Variants in UGT1A3 observed in about 807,000 individuals in gnomAD.
The protein encoded by UGT1A3 is UDP glucuronosyltransferase family 1 member A3.
UGT1A3 carries 31 observed loss-of-function variants against 41.0 expected under a neutral mutation model. That is an observed-to-expected ratio of 0.76 (90% CI 0.57 to 1.02). UGT1A3 has a LOEUF of 1.02. UGT1A3 is among the 50% of genes least tolerant of loss of function. The probability of loss-of-function intolerance (pLI) is 0.00; values close to 1 mark genes in which losing one functional copy is unlikely to be tolerated. For synonymous variants in UGT1A3, 262 were observed against 257.6 expected (o/e 1.02, Z -0.17); for missense variants, 737 against 671.0 (o/e 1.10, Z -1.09).
intron 1 of UGT1A3, among the ~76,000 whole-genome samples, chr2:233,737,610 G>A (rs2078901280): frequency 6.6e-6 from 1 of 152,172 alleles, no homozygotes; most frequent in South Asian, 2.1e-4. Context: ...ACCTCAGTTG[G>A]AAATGCAGAA....
rs769720139 is a variant in UGT1A3 at position 233,772,367 on chromosome 2, C to T, written c.1413C>T (p.Gly471=). Reference sequence around the variant, plus strand: ...TGGAGTTTGTGATGAGGCACAAGGGCGCGCCACACCTGCGCCCCGCAGCCC... The same window carrying T: ...TGGAGTTTGTGATGAGGCACAAGGGTGCGCCACACCTGCGCCCCGCAGCCC... The part of the protein sequence containing the change: ...FWVEFVMRHK[G]APHLRPAAHD... Residue 471 remains glycine, a synonymous_variant, in exon 5 of 5, where the codon GGC becomes GGT. Transcript: ENST00000482026. The T allele has an allele frequency of 1.5e-5, 24 of 1,614,250 alleles. No individual in the cohort carries two copies. Among genetic ancestry groups the T allele is most frequent in the Admixed American group, 1.7e-5 (1 of 60,036 alleles).
chr2:233,748,172 T>C, intron 1 of UGT1A3: 1 of 1,584,752 alleles, frequency 6.3e-7, no homozygotes, highest in East Asian at 2.2e-5. Flanking sequence ...TCTACTTATC[T>C]TTCTGGTGCT....
chr2:233,756,324 A>G lies in UGT1A3; in HGVS notation c.868-10710A>G, dbSNP rs548800161. On this transcript the variant is annotated intron_variant, in intron 1 of 4. Coordinates refer to ENST00000482026, the MANE Select transcript of UGT1A3 (RefSeq NM_019093.4). The stretch of plus-strand genomic sequence containing the variant: ...ATAACCTACCCATATCCTCCTTTAA[A>G]CCTCTAGTCATCTCTTGATTACTTT... 5.1e-4 allele frequency: 77 copies of G among 152,086 alleles called. 1 individual carries two copies. Among genetic ancestry groups the G allele is most frequent in the Middle Eastern group, 3.4e-3 (1 of 294 alleles). 9.4% of individuals were successfully genotyped at this position (152,086 alleles called of 1,614,324 possible).
intron 1 of UGT1A3, among the ~76,000 whole-genome samples, chr2:233,757,174 C>T (rs1696427708): frequency 6.6e-6 from 1 of 151,088 alleles, no homozygotes; most frequent in Non-Finnish European, 1.5e-5. Context: ...GTTTTGAGAG[C>T]AAGGCAGAGG....
At chr2:233,734,546 C>A (rs975748353) in intron 1 of UGT1A3, among the ~76,000 whole-genome samples, 4 of 151,914 alleles carry the variant, frequency 2.6e-5, no homozygotes, top group Non-Finnish European at 5.9e-5. Context: ...TATTTCTTCC[C>A]TTCTGCTAGC....
chr2:233,768,757 A>AT (rs2126041506), intron 4 of UGT1A3, among the ~76,000 whole-genome samples: 1 of 151,338 alleles, frequency 6.6e-6, no homozygotes, highest in African/African-American at 2.4e-5. Context: ...TAATTTTTGT[A>AT]TTTTTTAGTA....
At position 233,752,253 on chromosome 2, in the gene UGT1A3, G is replaced by A. The variant is rs182159000; in HGVS notation, c.868-14781G>A. ...TTGGTTTTTTGGACCCTACTGTGAT[G>A]GTCACAGGACTCCAGGTCTCTTGGG... On this transcript the variant is annotated intron_variant, in intron 1 of 4. Coordinates refer to ENST00000482026, the MANE Select transcript of UGT1A3 (RefSeq NM_019093.4). 1.2e-3 allele frequency: 184 copies of A among 152,284 alleles called. 1 individual carries two copies. Among genetic ancestry groups the A allele is most frequent in the African/African-American group, 4.2e-3 (173 of 41,564 alleles). 9.4% of individuals were successfully genotyped at this position (152,284 alleles called of 1,614,324 possible).
chr2:233,734,315 C>T (rs1041289451), intron 1 of UGT1A3, among the ~76,000 whole-genome samples: 4 of 151,932 alleles, frequency 2.6e-5, no homozygotes, highest in African/African-American at 4.8e-5. Flanking sequence ...TTTGTGTAGA[C>T]GTATTTATAG....
intron 1 of UGT1A3, among the ~76,000 whole-genome samples, chr2:233,764,040 T>A (rs1199805174): frequency 6.6e-6 from 1 of 152,160 alleles, no homozygotes; most frequent in East Asian, 1.9e-4. Flanking sequence ...AAAGAAGAAT[T>A]CTGGGAAAAT....
At position 233,772,856 on chromosome 2, in the gene UGT1A3, A is replaced by G; in HGVS notation, c.*297A>G. On this transcript the variant is annotated 3_prime_UTR_variant, in exon 5 of 5. Transcript: ENST00000482026. ...TCTAGATTACTTTTCTTACTCTGAA[A>G]CATGGCCTGTTTGGGAGTGCGGGAT... The G allele has an allele frequency of 2.7e-6, 2 of 727,580 alleles. No individual in the cohort carries two copies. The highest frequency in any genetic ancestry group is 4.2e-5 in the South Asian group (2 of 48,166). The allele number at this position is 727,580 out of a possible 1,614,324, so 45.1% of individuals were successfully genotyped here.
In UGT1A3 at chr2:233,772,415, C is replaced by T. The variant is rs142077822; in HGVS notation, c.1461C>T (p.Tyr487=). The T allele has an allele frequency of 1.4e-5, 22 of 1,614,112 alleles. No homozygotes were observed. The highest frequency in any genetic ancestry group is 1.9e-5 in the Non-Finnish European group (22 of 1,180,056). Residue 487 remains tyrosine (Y), a synonymous_variant, in exon 5 of 5, where the codon TAC becomes TAT. Transcript: ENST00000482026. ...PAAHDLTWYQ[Y]HSLDVIGFLL... ...CCCACGACCTCACCTGGTACCAGTA[C>T]CATTCCTTGGACGTGATTGGTTTCC...
chr2:233,729,786 G>C lies in UGT1A3; in HGVS notation c.660G>C (p.Leu220=). The C allele has an allele frequency of 2.5e-6, 4 of 1,613,972 alleles. No homozygotes were observed. The highest frequency in any genetic ancestry group is 3.4e-6 in the Non-Finnish European group (4 of 1,179,864). ...AGAACATGCTCTACCCTCTGGCCCT[G>C]TCCTACATTTGCCATGCTTTTTCTG... ...RVKNMLYPLA[L]SYICHAFSAP... The change falls in exon 1 of 5, where the codon CTG becomes CTC. Residue 220 remains leucine, a synonymous_variant. Coordinates refer to ENST00000482026, the MANE Select transcript of UGT1A3 (RefSeq NM_019093.4).
At chr2:233,732,782 G>A (rs1439304470) in intron 1 of UGT1A3, among the ~76,000 whole-genome samples, 1 of 126,430 alleles carries the variant, frequency 7.9e-6, no homozygotes, top group East Asian at 2.4e-4. Context: ...GCTTAGGATT[G>A]TCTTGGCAAT....
At chr2:233,740,246 T>G (rs1354461528) in intron 1 of UGT1A3, among the ~76,000 whole-genome samples, 1 of 151,876 alleles carries the variant, frequency 6.6e-6, no homozygotes, top group African/African-American at 2.4e-5. Flanking sequence ...GAGAATAGAC[T>G]AATACAAGAT....
chr2:233,732,623 T>G (rs1263936305), intron 1 of UGT1A3, among the ~76,000 whole-genome samples: 26 of 152,192 alleles, frequency 1.7e-4, no homozygotes, highest in Admixed American at 1.7e-3. Flanking sequence ...TGTAGATGTG[T>G]GGTGTTATTT....
At chr2:233,753,907 C>G (rs1487385981) in intron 1 of UGT1A3, among the ~76,000 whole-genome samples, 1 of 152,188 alleles carries the variant, frequency 6.6e-6, no homozygotes, top group South Asian at 2.1e-4. Context: ...GCTTCTTACA[C>G]CGATTTCAGC....
chr2:233,745,429 A>G (rs1003194784), intron 1 of UGT1A3, among the ~76,000 whole-genome samples: 4 of 151,698 alleles, frequency 2.6e-5, no homozygotes, highest in African/African-American at 4.9e-5. Flanking sequence ...ATAAATTGTG[A>G]GGCAATACAC....
In UGT1A3 at chr2:233,729,169, G is replaced by T. The variant is rs770212311; in HGVS notation, c.43G>T (p.Gly15Ter). The change falls in exon 1 of 5, where the codon GGA becomes TGA. Residue 15 changes from glycine (G) to a stop codon, truncating the protein, a stop_gained. Coordinates refer to ENST00000482026, the MANE Select transcript of UGT1A3 (RefSeq NM_019093.4). LOFTEE classifies it high-confidence loss of function. ...GGTTCCCCTGCCGTGGCTGGCCACA[G>T]GACTGCTGCTTCTCCTCAGTGTCCA... The part of the protein sequence containing the change: ...LQVPLPWLAT[G>*]LLLLLSVQPW... The T allele has an allele frequency of 1.2e-6, 2 of 1,613,626 alleles. No homozygotes were observed. The highest frequency in any genetic ancestry group is 2.7e-5 in the African/African-American group (2 of 74,924).
chr2:233,769,644 G>T lies in UGT1A3; in HGVS notation c.1307+1205G>T. The T allele has an allele frequency of 1.2e-6, 2 of 1,608,952 alleles. No homozygotes were observed. Among genetic ancestry groups the T allele is most frequent in the South Asian group, 2.2e-5 (2 of 90,446 alleles). On this transcript the variant is annotated intron_variant, in intron 4 of 4. Transcript: ENST00000482026. This position sits in a 1 kb window ranked among gnomAD's most constrained non-coding sequence, Gnocchi z 4.4. The stretch of plus-strand genomic sequence containing the variant: ...CAAGGGACAACAGGGGAGGACTGAT[G>T]ACTGACTTCCCACCTTTGAGGTGCT...
Sources: gnomAD v4.1 joint callset for allele counts (sites outside exome capture counted in the v4.1 genomes callset) on GRCh38, gnomAD v4.1.1 for gene constraint, Gnocchi (gnomAD v3.1) non-coding constraint, MANE v1.5 for transcripts, NCBI Gene and HGNC (gene_info 2026-07-23, HGNC 2026-07-21) for gene names.